The following KLF12 variants were observed in gnomAD, a reference collection of about 807,000 sequenced individuals.
KLF12 encodes the protein Krueppel-like factor 12.
A neutral mutation model predicts 37.8 loss-of-function variants in KLF12; 9 were observed. The observed-to-expected ratio is 0.24, with a 90% CI of 0.14 to 0.42. KLF12 has a LOEUF of 0.42. Ranked by LOEUF, KLF12 falls within the 10% of genes least tolerant of loss-of-function variation. KLF12 has a pLI of 1.00. For synonymous variants in KLF12, 208 were observed against 202.1 expected, an observed-to-expected ratio of 1.03 and a Z score of -0.25; for missense variants, 411 against 516.0, an observed-to-expected ratio of 0.80 and a Z score of 1.97.
intron 5 of KLF12, among the ~76,000 whole-genome samples, chr13:73,777,303 A>T (rs973179731): frequency 6.6e-6 from 1 of 152,220 alleles, no homozygotes; most frequent in Non-Finnish European, 1.5e-5. Context: ...AAGGGGGTAC[A>T]TCCCAGAAGG....
chr13:73,970,389 T>G (rs556985972), intron 2 of KLF12, among the ~76,000 whole-genome samples: 1 of 151,942 alleles, frequency 6.6e-6, no homozygotes, highest in Non-Finnish European at 1.5e-5. Flanking sequence ...TATGTCTTAG[T>G]GCAATGATGG....
intron 6 of KLF12, among the ~76,000 whole-genome samples, chr13:73,762,078 G>T (rs1049308990): frequency 1.3e-5 from 2 of 152,068 alleles, no homozygotes; most frequent in African/African-American, 4.8e-5. Flanking sequence ...TTTGTTATTG[G>T]GGTGCTAATA....
At chr13:74,121,865 C>G (rs1877651824) in intron 1 of KLF12, among the ~76,000 whole-genome samples, 1 of 151,926 alleles carries the variant, frequency 6.6e-6, no homozygotes, top group African/African-American at 2.4e-5. Context: ...TTTATATTCT[C>G]TGGAAAAAGA....
chr13:73,987,407 A>G (rs1441656072), intron 2 of KLF12, among the ~76,000 whole-genome samples: 1 of 152,138 alleles, frequency 6.6e-6, no homozygotes, highest in Non-Finnish European at 1.5e-5. Flanking sequence ...CAGTAAGTAA[A>G]AAAATTTTAA....
the KLF12 span, among the ~76,000 whole-genome samples, chr13:74,243,560 C>T: frequency 6.6e-6 from 1 of 152,294 alleles, no homozygotes; most frequent in Non-Finnish European, 1.5e-5. Context: ...AGCTAATTTA[C>T]ACTCTCCCCA....
At chr13:74,229,447 C>T in the KLF12 span, among the ~76,000 whole-genome samples, 1 of 152,122 alleles carries the variant, frequency 6.6e-6, no homozygotes, top group African/African-American at 2.4e-5. Flanking sequence ...CTTTCCTCAG[C>T]CCCATGGTGT....
chr13:74,020,995 C>T (rs1397942505), intron 1 of KLF12, among the ~76,000 whole-genome samples: 3 of 152,098 alleles, frequency 2.0e-5, no homozygotes, highest in Non-Finnish European at 2.9e-5. Context: ...CCATTACCAT[C>T]AAGATCCAGA....
intron 5 of KLF12, among the ~76,000 whole-genome samples, chr13:73,808,465 A>G (rs1352687833): frequency 6.6e-6 from 1 of 152,128 alleles, no homozygotes; most frequent in African/African-American, 2.4e-5. Flanking sequence ...ACATAAATCT[A>G]TGTAAACAGA....
At chr13:73,817,416 T>C (rs1406967436) in intron 4 of KLF12, among the ~76,000 whole-genome samples, 3 of 151,428 alleles carry the variant, frequency 2.0e-5, no homozygotes, top group African/African-American at 7.3e-5. Flanking sequence ...GGGTTAGTTG[T>C]AGGGCAGCAA....
chr13:73,770,310 TA>T, intron 5 of KLF12, among the ~76,000 whole-genome samples: 1 of 152,270 alleles, frequency 6.6e-6, no homozygotes, highest in East Asian at 1.9e-4. Flanking sequence ...CATGACCAAA[TA>T]AAAATATGAG....
intron 6 of KLF12, among the ~76,000 whole-genome samples, chr13:73,725,595 GAAA>G (rs200367758): frequency 6.9e-6 from 1 of 145,578 alleles, no homozygotes; most frequent in Admixed American, 6.9e-5. Flanking sequence ...TATCTTTAAG[GAAA>G]AAAAAAAAGA....
chr13:74,136,156 G>A (rs983051278), upstream of KLF12, among the ~76,000 whole-genome samples: 1 of 152,214 alleles, frequency 6.6e-6, no homozygotes, highest in Non-Finnish European at 1.5e-5. Context: ...CACTGCTCGA[G>A]TGAAGTAGCC....
intron 3 of KLF12, among the ~76,000 whole-genome samples, chr13:73,903,117 A>G (rs1014694240): frequency 1.3e-5 from 2 of 152,244 alleles, no homozygotes; most frequent in African/African-American, 4.8e-5. Flanking sequence ...GGTTACCCCA[A>G]GTTTTCATGT....
the KLF12 span, among the ~76,000 whole-genome samples, chr13:74,299,207 C>T: frequency 1.3e-5 from 2 of 152,044 alleles, no homozygotes; most frequent in African/African-American, 4.8e-5. Context: ...TGAGAAAGAG[C>T]GGGGAGAAGT....
chr13:74,148,958 G>A, the KLF12 span, among the ~76,000 whole-genome samples: 1 of 152,156 alleles, frequency 6.6e-6, no homozygotes, highest in Non-Finnish European at 1.5e-5. Flanking sequence ...GGAATTACAG[G>A]CACCTGCCAC....
At chr13:74,001,977 G>T (rs1355452447) in intron 1 of KLF12, among the ~76,000 whole-genome samples, 4 of 152,220 alleles carry the variant, frequency 2.6e-5, no homozygotes, top group African/African-American at 9.7e-5. Context: ...AACAAAGGTA[G>T]ATTTTATAAT....
At chr13:73,718,512 G>A (rs550441748) in intron 6 of KLF12, among the ~76,000 whole-genome samples, 3 of 152,216 alleles carry the variant, frequency 2.0e-5, no homozygotes, top group Admixed American at 6.5e-5. Flanking sequence ...ATCCCAGCAC[G>A]TAGGGAAGCT....
At chr13:74,018,171 A>C (rs1347524074) in intron 1 of KLF12, among the ~76,000 whole-genome samples, 1 of 152,094 alleles carries the variant, frequency 6.6e-6, no homozygotes, top group African/African-American at 2.4e-5. Flanking sequence ...ACACAGATGA[A>C]TCTGTGTGAC....
At chr13:74,276,739 C>T in the KLF12 span, among the ~76,000 whole-genome samples, 1 of 152,164 alleles carries the variant, frequency 6.6e-6, no homozygotes, top group Non-Finnish European at 1.5e-5. Flanking sequence ...TTTGACTCAG[C>T]CAAACCCATC....
Sources: gnomAD v4.1 joint callset for allele counts (sites outside exome capture counted in the v4.1 genomes callset) on GRCh38, gnomAD v4.1.1 for gene constraint, MANE v1.5 for transcripts, NCBI Gene and HGNC (gene_info 2026-07-23, HGNC 2026-07-21) for gene names.